Variants in TSC22D1 observed in about 807,000 individuals in gnomAD.
TSC22D1 encodes the protein TSC22 domain family protein 1.
A neutral mutation model predicts 74.2 loss-of-function variants in TSC22D1; 9 were observed. That is an observed-to-expected ratio of 0.12 (90% CI 0.07 to 0.21). TSC22D1 has a LOEUF of 0.21. Among genes scored for constraint, TSC22D1 ranks in the 10% least tolerant of loss-of-function variants. The pLI is 1.00. For synonymous variants in TSC22D1, 586 were observed against 492.5 expected (o/e 1.19, Z -2.51); for missense variants, 1,427 against 1,304.7 (o/e 1.09, Z -1.44).
At chr13:44,517,284 C>T (rs1333265117) in intron 1 of TSC22D1, among the ~76,000 whole-genome samples, 2 of 151,430 alleles carry the variant, frequency 1.3e-5, no homozygotes, top group Non-Finnish European at 2.9e-5. Context: ...ACCATTACTT[C>T]TAAAACAGAG....
Position 44,433,823 on chromosome 13 carries a change from T to G in TSC22D1, c.*803A>C. 1 of 609,060 alleles carries G rather than the reference T, an allele frequency of 1.6e-6. No individual in the cohort carries two copies. The highest frequency in any genetic ancestry group is 2.6e-6 in the Non-Finnish European group (1 of 383,268). 37.7% of individuals were successfully genotyped at this position (609,060 alleles called of 1,614,324 possible). A position where few individuals can be genotyped will look rare whatever the true frequency, so the allele number is the denominator to read the frequency against. On this transcript the variant is annotated 3_prime_UTR_variant, in exon 3 of 3. Transcript: ENST00000458659. Reference sequence around the variant, plus strand: ...GCCAAATTCTTAAAATTTCTTTAGGTGTGGTTTTTGTCATGTAGCAGTTTT... The same window carrying G: ...GCCAAATTCTTAAAATTTCTTTAGGGGTGGTTTTTGTCATGTAGCAGTTTT...
At chr13:44,539,745 G>A (rs916248742) in intron 1 of TSC22D1, 4 of 1,255,530 alleles carry the variant, frequency 3.2e-6, no homozygotes, top group South Asian at 1.3e-5. Flanking sequence ...ATTAACCCAA[G>A]TAAATAATGG....
At chr13:44,535,293 G>A (rs950667584) in intron 1 of TSC22D1, among the ~76,000 whole-genome samples, 1 of 152,034 alleles carries the variant, frequency 6.6e-6, no homozygotes, top group Non-Finnish European at 1.5e-5. Context: ...ATACTTCAAA[G>A]TTCACTAACA....
rs569203784 is a variant in TSC22D1 at position 44,524,020 on chromosome 13, T to C, written c.2912+49143A>G. Among the ~76,000 whole-genome samples, 11 of 152,262 alleles carry C rather than the reference T, an allele frequency of 7.2e-5. No individual in the cohort carries two copies. The South Asian group carries it at 1.9e-3, about 26-fold the overall frequency. On this transcript the variant is annotated intron_variant, in intron 1 of 2. Coordinates refer to ENST00000458659, the MANE Select transcript of TSC22D1 (RefSeq NM_183422.4). ...GCCTTTGAAAAAAGAAGTATGGGGA[T>C]AGAAGCATCTTAATATTTCCAGTGC...
chr13:44,544,339 A>G (rs2138111805), intron 1 of TSC22D1, among the ~76,000 whole-genome samples: 1 of 151,638 alleles, frequency 6.6e-6, no homozygotes, highest in African/African-American at 2.4e-5. Context: ...ATCTTACCCG[A>G]TAACAAAACA....
intron 1 of TSC22D1, chr13:44,537,277 T>TA (rs2138083258): frequency 1.0e-6 from 1 of 967,028 alleles, no homozygotes; most frequent in African/African-American, 1.8e-5. Flanking sequence ...TTCACCAAAA[T>TA]AAAAGTTTAA....
At chr13:44,439,139 CAT>C (rs1303180275) in intron 1 of TSC22D1, among the ~76,000 whole-genome samples, 1 of 152,126 alleles carries the variant, frequency 6.6e-6, no homozygotes, top group Admixed American at 6.5e-5. Context: ...TATAAGCAAC[CAT>C]AGTCTATTTA....
chr13:44,487,200 T>TAAAA (rs1003134570), intron 1 of TSC22D1, among the ~76,000 whole-genome samples: 7 of 151,704 alleles, frequency 4.6e-5, no homozygotes, highest in Non-Finnish European at 1.0e-4. Flanking sequence ...AAAGCATAGT[T>TAAAA]AAAAAAAGAA....
In TSC22D1 at chr13:44,480,413, G is replaced by GTATAT. The variant is rs1491061608; in HGVS notation, c.2913-44319_2913-44318insATATA. On this transcript the variant is annotated intron_variant, in intron 1 of 2. Coordinates refer to ENST00000458659, the MANE Select transcript of TSC22D1 (RefSeq NM_183422.4). Reference sequence around the variant, plus strand: ...AACACTTAATACTATAAAAATTGTAGGTGCCTGGGACATAAAGATTCTAAT... The same window carrying GTATAT: ...AACACTTAATACTATAAAAATTGTAGTATATGTGCCTGGGACATAAAGATTCTAAT... 4.7e-3 allele frequency among the ~76,000 whole-genome samples: 719 copies of GTATAT among 152,134 alleles called. 2 individuals carry two copies. Among genetic ancestry groups the GTATAT allele is most frequent in the Non-Finnish European group, 7.4e-3 (504 of 68,000 alleles).
chr13:44,502,451 C>G (rs1383886543), intron 1 of TSC22D1, among the ~76,000 whole-genome samples: 1 of 152,162 alleles, frequency 6.6e-6, no homozygotes, highest in Non-Finnish European at 1.5e-5. Flanking sequence ...TTCATTGGAA[C>G]CACCACACAC....
At chr13:44,450,762 G>A (rs557968851) in intron 1 of TSC22D1, among the ~76,000 whole-genome samples, 36 of 152,304 alleles carry the variant, frequency 2.4e-4, no homozygotes, top group African/African-American at 8.4e-4. Flanking sequence ...TGGGAAATAC[G>A]GTTTTGGAAC....
chr13:44,572,579 T>C (rs765229046), intron 1 of TSC22D1, among the ~76,000 whole-genome samples: 4 of 152,236 alleles, frequency 2.6e-5, no homozygotes, highest in Non-Finnish European at 5.9e-5. Context: ...TTCCCATTCC[T>C]TTACTGTTCA....
At chr13:44,509,903 A>G (rs1250361153) in intron 1 of TSC22D1, among the ~76,000 whole-genome samples, 1 of 148,530 alleles carries the variant, frequency 6.7e-6, no homozygotes, top group African/African-American at 2.5e-5. Flanking sequence ...ATAAACTTAC[A>G]TTATTAAAAC....
intron 1 of TSC22D1, among the ~76,000 whole-genome samples, chr13:44,455,350 C>T (rs938214038): frequency 3.3e-5 from 5 of 152,172 alleles, no homozygotes; most frequent in Admixed American, 6.5e-5. Context: ...CATAGGACTG[C>T]GCAGTAACCA....
At chr13:44,493,909 G>A (rs983998083) in intron 1 of TSC22D1, among the ~76,000 whole-genome samples, 1 of 152,092 alleles carries the variant, frequency 6.6e-6, no homozygotes, top group Admixed American at 6.6e-5. Flanking sequence ...CATCATACAT[G>A]ACAAAGGTAC....
intron 1 of TSC22D1, among the ~76,000 whole-genome samples, chr13:44,519,057 A>C (rs2138034273): frequency 1.3e-5 from 2 of 152,334 alleles, no homozygotes; most frequent in Middle Eastern, 6.8e-3. Flanking sequence ...GAACCGGTCT[A>C]AATTTTTTTT....
intron 1 of TSC22D1, among the ~76,000 whole-genome samples, chr13:44,450,012 G>A (rs995714933): frequency 2.6e-5 from 4 of 152,136 alleles, no homozygotes; most frequent in African/African-American, 7.2e-5. Flanking sequence ...GGCAAGGGGA[G>A]AAAGACGTAT....
intron 1 of TSC22D1, among the ~76,000 whole-genome samples, chr13:44,438,580 T>G (rs1874925809): frequency 6.6e-6 from 1 of 152,194 alleles, no homozygotes; most frequent in Non-Finnish European, 1.5e-5. Context: ...TGAGATTCCC[T>G]TTTTACTGAA....
chr13:44,484,267 T>TA (rs200365302), intron 1 of TSC22D1, among the ~76,000 whole-genome samples: 20 of 152,100 alleles, frequency 1.3e-4, no homozygotes, highest in Admixed American at 3.9e-4. Context: ...ATGGGAATGC[T>TA]AAAAAAAATC....
Sources: allele counts gnomAD v4.1 joint callset (sites outside exome capture counted in the v4.1 genomes callset), GRCh38; gene constraint gnomAD v4.1.1; transcripts MANE v1.5; gene names NCBI Gene and HGNC (gene_info 2026-07-23, HGNC 2026-07-21).